ANKRD55: variants seen among roughly 807,000 people sequenced by gnomAD.
ANKRD55 encodes the protein ankyrin repeat domain 55, also known as ankyrin repeat domain-containing protein 55.
Under a neutral mutation model 60.6 loss-of-function variants are expected in ANKRD55, and 41 were observed. That is an observed-to-expected ratio of 0.68 (90% CI 0.53 to 0.88). The LOEUF is 0.88. Ranked by LOEUF, ANKRD55 falls within the 40% of genes least tolerant of loss-of-function variation. The pLI is 0.00. For missense variants in ANKRD55, 732 were observed against 767.6 expected (o/e 0.95, Z 0.55); for synonymous variants, 264 against 290.3 (o/e 0.91, Z 0.92).
At chr5:56,213,430 C>T (rs1403981031) in intron 2 of ANKRD55, among the ~76,000 whole-genome samples, 7 of 151,318 alleles carry the variant, frequency 4.6e-5, no homozygotes, top group African/African-American at 1.5e-4. Flanking sequence ...TTTTAAATAC[C>T]TTAAAAGTGT....
At position 56,166,134 on chromosome 5, in the gene ANKRD55, CT is replaced by C. The variant is rs1469411761; in HGVS notation, c.422+4559del. Among the ~76,000 whole-genome samples, 196 of 99,564 alleles carry C rather than the reference CT, an allele frequency of 2.0e-3. 5 individuals carry two copies. Among genetic ancestry groups the C allele is most frequent in the African/African-American group, 9.5e-3 (169 of 17,732 alleles). 65.3% of individuals were successfully genotyped at this position (99,564 alleles called of 152,430 possible). On this transcript the variant is annotated intron_variant, in intron 5 of 11. Coordinates refer to ENST00000341048, the MANE Select transcript of ANKRD55 (RefSeq NM_024669.3). ...TCTTTCTTTCTTTCTTTCTTTCTTT[CT>C]TTCTTTCTTTCTTTCTTTCTTCTTT...
Position 56,166,158 on chromosome 5 carries a change from T to TATCTTCTTTCC in ANKRD55, c.422+4535_422+4536insGGAAAGAAGAT, listed in dbSNP as rs1561277893. On this transcript the variant is annotated intron_variant, in intron 5 of 11. Coordinates refer to ENST00000341048, the MANE Select transcript of ANKRD55 (RefSeq NM_024669.3). ...TCTTTCTTTCTTTCTTTCTTTCTTC[T>TATCTTCTTTCC]TTCCTTCCTTCCTTCCTTCCTTCCT... 8.3e-5 allele frequency among the ~76,000 whole-genome samples: 6 copies of TATCTTCTTTCC among 72,460 alleles called. No homozygotes were observed. The Admixed American group carries it at 8.8e-4, about 11-fold the overall frequency. 47.5% of individuals were successfully genotyped at this position (72,460 alleles called of 152,430 possible). A position where few individuals can be genotyped will look rare whatever the true frequency, so the allele number is the denominator to read the frequency against.
chr5:56,208,119 G>T (rs186860092), intron 2 of ANKRD55, among the ~76,000 whole-genome samples: 81 of 151,540 alleles, frequency 5.3e-4, no homozygotes, highest in African/African-American at 1.8e-3. Flanking sequence ...CATTAGCCTA[G>T]GCCTACACAG....
At chr5:56,209,698 C>T (rs1759613415) in intron 2 of ANKRD55, among the ~76,000 whole-genome samples, 2 of 152,162 alleles carry the variant, frequency 1.3e-5, no homozygotes, top group South Asian at 4.1e-4. Flanking sequence ...ATCTCCTGAC[C>T]TCGTGATCCA....
rs188519506 is a variant in ANKRD55, at chr5:56,125,402, T to C, written c.797+1520A>G. On this transcript the variant is annotated intron_variant, in intron 8 of 11. Transcript: ENST00000341048. ...TTCAAGCGATTCTCCTGCCTCAGCC[T>C]CCTGAGTAGCTGGGATTATAGGTGT... Among the ~76,000 whole-genome samples, 7 of 152,140 alleles carry C rather than the reference T, an allele frequency of 4.6e-5. No individual in the cohort carries two copies. The East Asian group carries it at 1.4e-3, about 29-fold the overall frequency.
At chr5:56,219,674 A>G (rs967259158) in intron 2 of ANKRD55, among the ~76,000 whole-genome samples, 1 of 151,824 alleles carries the variant, frequency 6.6e-6, no homozygotes, top group Non-Finnish European at 1.5e-5. Context: ...TTACAAGTGC[A>G]TTAATCATGT....
intron 2 of ANKRD55, among the ~76,000 whole-genome samples, chr5:56,209,205 C>A (rs1456824274): frequency 6.6e-6 from 1 of 152,156 alleles, no homozygotes; most frequent in African/African-American, 2.4e-5. Context: ...GATCTACCCC[C>A]CTCGGCCTCC....
chr5:56,195,481 TC>T (rs1373870888), intron 2 of ANKRD55, among the ~76,000 whole-genome samples: 1 of 152,170 alleles, frequency 6.6e-6, no homozygotes, highest in African/African-American at 2.4e-5. Context: ...TCTCACTCTG[TC>T]CCCCAGGCTG....
intron 2 of ANKRD55, 120 bp from the exon 3 acceptor site, chr5:56,183,754 G>A: frequency 1.5e-6 from 2 of 1,318,122 alleles, no homozygotes; most frequent in South Asian, 1.4e-5. Flanking sequence ...AATCCAGGCA[G>A]AAGTCTGGGT....
At chr5:56,231,975 C>T (rs756098369) in intron 2 of ANKRD55, among the ~76,000 whole-genome samples, 15 of 151,784 alleles carry the variant, frequency 9.9e-5, no homozygotes, top group Non-Finnish European at 1.0e-4. Context: ...GATAAAATCA[C>T]CAAAGGAACT....
intron 6 of ANKRD55, among the ~76,000 whole-genome samples, chr5:56,149,841 T>C (rs1169518711): frequency 6.6e-6 from 1 of 151,126 alleles, no homozygotes; most frequent in Admixed American, 6.6e-5. Context: ...TTTCACTAAC[T>C]TCTTTTTTTT....
At chr5:56,233,013 C>A (rs1760297048) in intron 1 of ANKRD55, 67 bp from the exon 2 acceptor site, 54 of 1,106,532 alleles carry the variant, frequency 4.9e-5, no homozygotes, top group Non-Finnish European at 7.1e-5. Context: ...GCATCGTTTG[C>A]CAAGACCTCT....
At chr5:56,194,177 G>A (rs1344459521) in intron 2 of ANKRD55, among the ~76,000 whole-genome samples, 10 of 152,014 alleles carry the variant, frequency 6.6e-5, no homozygotes, top group Non-Finnish European at 2.9e-5. Flanking sequence ...TTAGCTGGGC[G>A]TGGTGGCGCG....
At chr5:56,207,279 T>C (rs887037890) in intron 2 of ANKRD55, among the ~76,000 whole-genome samples, 1 of 152,192 alleles carries the variant, frequency 6.6e-6, no homozygotes, top group African/African-American at 2.4e-5. Flanking sequence ...TCCTGAGGAA[T>C]GATTAGAGCA....
chr5:56,227,031 A>G (rs546209055), intron 2 of ANKRD55, among the ~76,000 whole-genome samples: 100 of 131,916 alleles, frequency 7.6e-4, no homozygotes, highest in African/African-American at 2.6e-3. Flanking sequence ...ATAAAGACAC[A>G]TGCACATGTA....
intron 2 of ANKRD55, among the ~76,000 whole-genome samples, chr5:56,215,396 G>T (rs1206837970): frequency 1.3e-5 from 2 of 152,202 alleles, no homozygotes; most frequent in Non-Finnish European, 2.9e-5. Flanking sequence ...TCTGGAAGAG[G>T]TGGGGCTGTC....
At chr5:56,135,918 C>T (rs1239400290) in intron 7 of ANKRD55, among the ~76,000 whole-genome samples, 1 of 151,896 alleles carries the variant, frequency 6.6e-6, no homozygotes, top group African/African-American at 2.4e-5. Context: ...TAGCAATGAG[C>T]AAATAGAATT....
At position 56,140,381 on chromosome 5, in the gene ANKRD55, C is replaced by A. The variant is rs115552986; in HGVS notation, c.612+3420G>T. Among the ~76,000 whole-genome samples, 565 of 152,300 alleles carry A rather than the reference C, an allele frequency of 3.7e-3. 3 individuals are homozygous for A. Among genetic ancestry groups the A allele is most frequent in the African/African-American group, 0.012 (478 of 41,550 alleles). On this transcript the variant is annotated intron_variant, in intron 7 of 11. Transcript: ENST00000341048. ...GGAGAATGCACAATTTCTCCAGAGC[C>A]GGGGTTCTTAGCCTTTTGTGGGTAG...
intron 7 of ANKRD55, among the ~76,000 whole-genome samples, chr5:56,139,602 T>C (rs1308675516): frequency 6.6e-6 from 1 of 152,142 alleles, no homozygotes; most frequent in Non-Finnish European, 1.5e-5. Context: ...GAAGGAATCT[T>C]TATGATGTAT....
Sources: gnomAD v4.1 joint callset for allele counts (sites outside exome capture counted in the v4.1 genomes callset) on GRCh38, gnomAD v4.1.1 for gene constraint, MANE v1.5 for transcripts, NCBI Gene and HGNC (gene_info 2026-07-23, HGNC 2026-07-21) for gene names.